SORCS2: variants seen among roughly 807,000 people sequenced by gnomAD.
The protein encoded by SORCS2 is sortilin related VPS10 domain containing receptor 2, also known as VPS10 domain-containing receptor SorCS2.
Under a neutral mutation model 141.6 loss-of-function variants are expected in SORCS2, and 100 were observed. The ratio of observed to expected loss-of-function variants is 0.71; its 90% confidence interval spans 0.60 to 0.83. The LOEUF (loss-of-function observed/expected upper bound fraction) is 0.83, where lower values mean the gene tolerates loss of function less well. Ranked by LOEUF, SORCS2 falls within the 40% of genes least tolerant of loss-of-function variation. The probability of loss-of-function intolerance (pLI) is 0.00; values close to 1 mark genes in which losing one functional copy is unlikely to be tolerated. For missense variants in SORCS2, 1,646 were observed against 1,560.2 expected (o/e 1.05, Z -0.93); for synonymous variants, 789 against 676.9 (o/e 1.17, Z -2.57).
chr4:7,712,294 A>G (rs1076227), intron 14 of SORCS2, among the ~76,000 whole-genome samples: 88,183 of 152,082 alleles, frequency 0.58, 26,609 homozygotes, highest in South Asian at 0.68. Flanking sequence ...TCACACGGTC[A>G]GGCTGGGAGA....
intron 3 of SORCS2, among the ~76,000 whole-genome samples, chr4:7,627,807 C>G (rs1683903335): frequency 2.0e-5 from 3 of 152,336 alleles, no homozygotes; most frequent in South Asian, 4.1e-4. Context: ...CAGCCATTCA[C>G]CAGTGTTGGT....
At chr4:7,578,261 C>T (rs1412105942) in intron 3 of SORCS2, among the ~76,000 whole-genome samples, 1 of 152,212 alleles carries the variant, frequency 6.6e-6, no homozygotes, top group African/African-American at 2.4e-5. Context: ...GATGGGCTGC[C>T]TGATCTTGGA....
chr4:7,414,072 T>C (rs1699506028), intron 2 of SORCS2, among the ~76,000 whole-genome samples: 1 of 152,188 alleles, frequency 6.6e-6, no homozygotes, highest in African/African-American at 2.4e-5. Flanking sequence ...TGAATGTATC[T>C]CCAGCTAAAG....
chr4:7,544,756 C>T lies in SORCS2; in HGVS notation c.648+13127C>T, dbSNP rs563663886. ...CTGAGCACCCACAGCTCCCTGAGAA[C>T]GAAGCCAGGCTCCTGGAAGTCACCT... On this transcript the variant is annotated intron_variant, in intron 3 of 26. Transcript: ENST00000507866. Among the ~76,000 whole-genome samples the T allele has an allele frequency of 3.5e-4, 53 of 152,354 alleles. 1 individual carries two copies. In the East Asian group the frequency reaches 8.7e-3, roughly 25 times the overall value.
At chr4:7,657,776 CTG>C (rs1338145581) in intron 5 of SORCS2, among the ~76,000 whole-genome samples, 4 of 140,230 alleles carry the variant, frequency 2.9e-5, no homozygotes, top group Non-Finnish European at 4.7e-5. Context: ...GTGAGTGAGT[CTG>C]TGACTGGGTG....
intron 2 of SORCS2, among the ~76,000 whole-genome samples, chr4:7,466,942 C>G (rs949300445): frequency 1.3e-5 from 2 of 152,088 alleles, no homozygotes; most frequent in Admixed American, 6.5e-5. Flanking sequence ...TGCTGCCTTT[C>G]TCTTTGGAGA....
In SORCS2 at chr4:7,323,587, A is replaced by G. The variant is rs570808989; in HGVS notation, c.481-72701A>G. On this transcript the variant is annotated intron_variant, in intron 1 of 26. Transcript: ENST00000507866. ...GTAGCACCTGTGCCCTTGCCTACTC[A>G]GTCTGTGGGGGTTGAGGGCTGGGTT... Among the ~76,000 whole-genome samples the G allele has an allele frequency of 2.0e-5, 3 of 152,178 alleles. No individual in the cohort carries two copies. The South Asian group carries it at 6.2e-4, about 32-fold the overall frequency.
intron 1 of SORCS2, among the ~76,000 whole-genome samples, chr4:7,220,644 C>T (rs1025050488): frequency 6.6e-6 from 1 of 152,120 alleles, no homozygotes; most frequent in African/African-American, 2.4e-5. Context: ...GATATTTCCC[C>T]AGTTTTGGAA....
intron 19 of SORCS2, among the ~76,000 whole-genome samples, chr4:7,724,169 G>GTGATAGTGGTGGTGGTGGTGATGGTGA (rs1553808188): frequency 6.1e-5 from 9 of 147,588 alleles, no homozygotes; most frequent in African/African-American, 2.3e-4. Flanking sequence ...GGTGATGGTG[G>GTGATAGTGGTGGTGGTGGTGATGGTGA]TGATGGTGAT....
chr4:7,434,063 G>A, intron 2 of SORCS2: 1 of 1,611,222 alleles, frequency 6.2e-7, no homozygotes, highest in Non-Finnish European at 8.5e-7. Context: ...TCCAGGGAGG[G>A]GACCCCGTCC....
At chr4:7,502,090 G>A (rs7675968) in intron 2 of SORCS2, among the ~76,000 whole-genome samples, 86,682 of 152,120 alleles carry the variant, frequency 0.57, 26,173 homozygotes, top group East Asian at 0.95. Flanking sequence ...AGGGGAGGGC[G>A]TTTCTGTCAC....
chr4:7,588,202 C>T (rs927216202), intron 3 of SORCS2, among the ~76,000 whole-genome samples: 5 of 152,158 alleles, frequency 3.3e-5, no homozygotes, highest in African/African-American at 4.8e-5. Context: ...TTCTCTGGGC[C>T]GCCAAACCGC....
intron 17 of SORCS2, among the ~76,000 whole-genome samples, chr4:7,717,538 G>A (rs1726273916): frequency 6.6e-6 from 1 of 152,226 alleles, no homozygotes; most frequent in Non-Finnish European, 1.5e-5. Context: ...CAAGGGAACA[G>A]GGAGACGGAG....
chr4:7,701,775 C>T (rs1429906662), intron 12 of SORCS2, among the ~76,000 whole-genome samples: 1 of 152,186 alleles, frequency 6.6e-6, no homozygotes, highest in Non-Finnish European at 1.5e-5. Context: ...AGCATTCAGA[C>T]TCTGAGGGAG....
intron 1 of SORCS2, among the ~76,000 whole-genome samples, chr4:7,240,709 C>G (rs1375084265): frequency 6.6e-6 from 1 of 152,142 alleles, no homozygotes; most frequent in Non-Finnish European, 1.5e-5. Flanking sequence ...AATCCTGAAG[C>G]TGCAACTTGT....
chr4:7,358,309 G>T (rs1721384366), intron 1 of SORCS2, among the ~76,000 whole-genome samples: 1 of 152,226 alleles, frequency 6.6e-6, no homozygotes, highest in Admixed American at 6.5e-5. Flanking sequence ...TCTAACAGTA[G>T]CCTCCTAGGC....
intron 2 of SORCS2, among the ~76,000 whole-genome samples, chr4:7,503,955 C>T (rs7690249): frequency 0.97 from 147,422 of 152,242 alleles, 71,513 homozygotes; most frequent in East Asian, 1. Context: ...CCAGCCCCTC[C>T]CTGTCGGACT....
intron 2 of SORCS2, among the ~76,000 whole-genome samples, chr4:7,516,690 C>T (rs1733006445): frequency 6.6e-6 from 1 of 152,136 alleles, no homozygotes. Context: ...AGGAACACGG[C>T]ATGAAGTTCC....
intron 1 of SORCS2, among the ~76,000 whole-genome samples, chr4:7,254,224 G>C (rs1713698627): frequency 6.6e-6 from 1 of 152,236 alleles, no homozygotes; most frequent in Non-Finnish European, 1.5e-5. Context: ...CTATTCGTAT[G>C]TGTATTGCAG....
Sources: allele counts gnomAD v4.1 joint callset (sites outside exome capture counted in the v4.1 genomes callset), GRCh38; gene constraint gnomAD v4.1.1; transcripts MANE v1.5; gene names NCBI Gene and HGNC (gene_info 2026-07-23, HGNC 2026-07-21).